Variants in ACAN observed in about 807,000 individuals in gnomAD.
ACAN encodes aggrecan core protein.
ACAN carries 47 observed loss-of-function variants against 169.1 expected under a neutral mutation model. That is an observed-to-expected ratio of 0.28 (90% CI 0.22 to 0.35). The LOEUF is 0.35. ACAN is among the 10% of genes least tolerant of loss of function. ACAN has a pLI of 1.00. For synonymous variants in ACAN, 1,115 were observed against 1,112.2 expected (o/e 1.00, Z -0.05); for missense variants, 2,716 against 2,759.9 (o/e 0.98, Z 0.36).
In ACAN at chr15:88,869,247, T is replaced by TCTTAA. The variant is rs1897329651; in HGVS notation, c.7060+918_7060+919insCTTAA. Among the ~76,000 whole-genome samples the TCTTAA allele has an allele frequency of 1.3e-5, 2 of 152,188 alleles. No individual in the cohort carries two copies. Among genetic ancestry groups the TCTTAA allele is most frequent in the South Asian group, 4.1e-4 (2 of 4,830 alleles). Reference sequence around the variant, plus strand: ...TGGCCCAGACAGAACTGGAAGTGTGTAGGGGCTTAAAATCCTTTTCAATGA... The same window carrying TCTTAA: ...TGGCCCAGACAGAACTGGAAGTGTGTCTTAAAGGGGCTTAAAATCCTTTTCAATGA... On this transcript the variant is annotated intron_variant, in intron 14 of 18. Transcript: ENST00000560601. The surrounding 1 kb of genome is among the most constrained non-coding windows in gnomAD (Gnocchi z 4.2).
chr15:88,834,165 A>C (rs1443201862), intron 1 of ACAN, among the ~76,000 whole-genome samples: 1 of 152,196 alleles, frequency 6.6e-6, no homozygotes, highest in Non-Finnish European at 1.5e-5. Flanking sequence ...AAGGAGACAC[A>C]GGGGCTACTT....
At chr15:88,862,822 A>C (rs1249939938) in intron 13 of ACAN, among the ~76,000 whole-genome samples, 4 of 151,896 alleles carry the variant, frequency 2.6e-5, no homozygotes, top group Admixed American at 6.6e-5. Context: ...ATATGGTGAA[A>C]CCCCATCTCT....
At chr15:88,823,453 G>A (rs1163728606) in intron 1 of ACAN, among the ~76,000 whole-genome samples, 1 of 151,908 alleles carries the variant, frequency 6.6e-6, no homozygotes, top group Non-Finnish European at 1.5e-5. Context: ...ACAGGGCAAA[G>A]CTGAGTGTCC....
rs151078500 is a variant in ACAN, at chr15:88,872,835, G to T, written c.7303-46G>T. Reference sequence around the variant, plus strand: ...GAAGACAGTCGGAGCAGGCCAACCCGCACTGTCCTGCCCTCTCCTTACTCC... The same window carrying T: ...GAAGACAGTCGGAGCAGGCCAACCCTCACTGTCCTGCCCTCTCCTTACTCC... On this transcript the variant is annotated intron_variant, in intron 16 of 18. Transcript: ENST00000560601. The surrounding 1 kb of genome is among the most constrained non-coding windows in gnomAD (Gnocchi z 5.4). 1 of 1,605,734 alleles carries T rather than the reference G, an allele frequency of 6.2e-7. No individual in the cohort carries two copies. The highest frequency in any genetic ancestry group is 8.5e-7 in the Non-Finnish European group (1 of 1,175,700).
intron 6 of ACAN, 145 bp from the exon 7 acceptor site, chr15:88,845,360 C>T (rs1896765544): frequency 8.1e-7 from 1 of 1,241,846 alleles, no homozygotes; most frequent in Non-Finnish European, 1.1e-6. Context: ...CTGAAATGGG[C>T]TTGGCAAGGT....
intron 1 of ACAN, among the ~76,000 whole-genome samples, chr15:88,804,556 T>C (rs550452004): frequency 2.6e-5 from 4 of 152,140 alleles, no homozygotes; most frequent in African/African-American, 9.6e-5. Context: ...CCACGAGCGG[T>C]TTTTCCGTCT....
chr15:88,850,025 C>T, intron 10 of ACAN: 1 of 600,522 alleles, frequency 1.7e-6, no homozygotes. Context: ...TACTTAATAG[C>T]TGTGTGAAAA....
chr15:88,842,736 G>A (rs1896696670), intron 5 of ACAN, among the ~76,000 whole-genome samples: 1 of 152,234 alleles, frequency 6.6e-6, no homozygotes, highest in Admixed American at 6.5e-5. Context: ...GCCAGTTAGA[G>A]CTGCCACTGA....
At chr15:88,860,472 C>A in intron 13 of ACAN, 33 bp downstream of exon 13, 1 of 1,581,890 alleles carries the variant, frequency 6.3e-7, no homozygotes, top group South Asian at 1.1e-5. Flanking sequence ...AGAGTGAGGG[C>A]GGAGGCGCTG....
rs1014718735 is a variant in ACAN at position 88,874,999 on chromosome 15, C to T, written c.*518C>T. On this transcript the variant is annotated 3_prime_UTR_variant, in exon 19 of 19. Transcript: ENST00000560601. This position sits in a 1 kb window ranked among gnomAD's most constrained non-coding sequence, Gnocchi z 7.3. The stretch of plus-strand genomic sequence containing the variant: ...GGATGAGAAGGAGCCAGGAGGGCTA[C>T]ACCATCTGTATGAGGGAAAAGCCTT... The T allele has an allele frequency of 3.7e-5, 9 of 243,410 alleles. No homozygotes were observed. The highest frequency in any genetic ancestry group is 1.8e-4 in the African/African-American group (8 of 44,186). The allele number at this position is 243,410 out of a possible 1,614,324, so 15.1% of individuals were successfully genotyped here.
chr15:88,848,210 C>T (rs1400390389), intron 9 of ACAN, among the ~76,000 whole-genome samples, 172 bp downstream of exon 9: 1 of 152,198 alleles, frequency 6.6e-6, no homozygotes. Context: ...GCCCCTCCCT[C>T]AGATCTAGTG....
In ACAN at chr15:88,858,107, C is replaced by T; in HGVS notation, c.5522C>T (p.Pro1841Leu). 1 of 1,613,782 alleles carries T rather than the reference C, an allele frequency of 6.2e-7. No homozygotes were observed. The highest frequency in any genetic ancestry group is 8.5e-7 in the Non-Finnish European group (1 of 1,179,868). ...FVDTSLVEVA[P>L]TTFKEEEGLG... ...GACACCAGTTTGGTTGAAGTGGCCC[C>T]TACTACATTTAAAGAAGAAGAAGGC... The change falls in exon 12 of 19, where the codon CCT becomes CTT. Residue 1841 changes from proline (P) to leucine (L), a missense_variant. Pro to Leu is a moderately conservative substitution (Grantham distance 98, BLOSUM62 -3). Transcript: ENST00000560601. The surrounding 1 kb of genome is among the most constrained non-coding windows in gnomAD (Gnocchi z 4.0).
intron 11 of ACAN, among the ~76,000 whole-genome samples, chr15:88,853,410 G>A (rs1306829401): frequency 1.3e-5 from 2 of 152,172 alleles, no homozygotes; most frequent in African/African-American, 4.8e-5. Context: ...GGCCAAGGTG[G>A]GAGGACCACT....
At position 88,857,369 on chromosome 15, in the gene ACAN, A is replaced by T; in HGVS notation, c.4784A>T (p.Asp1595Val). The stretch of plus-strand genomic sequence containing the variant: ...AGTGGGTTGCCTTCTGGAAAAGAAG[A>T]CTTGGTGGGGTCAGCTTCTGGAGAC... ...DLSGLPSGKE[D>V]LVGSASGDLD... is the part of the protein sequence containing the mutation. The change falls in exon 12 of 19, where the codon GAC becomes GTC. Residue 1595 changes from aspartate (D) to valine (V), a missense_variant. Asp to Val is a radical substitution (Grantham distance 152). This residue lies in a region of ACAN where 1,389 missense variants were observed against 1,363.7 expected (regional missense o/e 1.02). Transcript: ENST00000560601. 1.2e-6 allele frequency: 2 copies of T among 1,613,872 alleles called. No homozygotes were observed. The highest frequency in any genetic ancestry group is 1.7e-4 in the Middle Eastern group (1 of 6,060).
At chr15:88,828,570 G>C (rs1343212777) in intron 1 of ACAN, among the ~76,000 whole-genome samples, 2 of 152,190 alleles carry the variant, frequency 1.3e-5, no homozygotes, top group East Asian at 3.8e-4. Flanking sequence ...CCTTCCCAGA[G>C]AATGTGCTCA....
chr15:88,835,600 T>G (rs1287233552), intron 1 of ACAN, among the ~76,000 whole-genome samples: 2 of 152,184 alleles, frequency 1.3e-5, no homozygotes, highest in Non-Finnish European at 2.9e-5. Context: ...AGTTTCAGTT[T>G]GAAAGTCAGT....
chr15:88,812,988 T>C (rs977358836), intron 1 of ACAN, among the ~76,000 whole-genome samples: 2 of 152,194 alleles, frequency 1.3e-5, no homozygotes, highest in Non-Finnish European at 2.9e-5. Flanking sequence ...AAGGATCTCA[T>C]CCCTCAGAGA....
chr15:88,858,381 C>T lies in ACAN; in HGVS notation c.5796C>T (p.Pro1932=). 1.9e-6 allele frequency: 3 copies of T among 1,613,908 alleles called. No individual in the cohort carries two copies. Among genetic ancestry groups the T allele is most frequent in the Middle Eastern group, 1.6e-4 (1 of 6,062 alleles). ...GCAGTGGAACTCCATCTAGTTTCCC[C>T]ACTGTCTCTCTTGTAGACAGAACTT... is the stretch of plus-strand genomic sequence containing the variant. The part of the protein sequence containing the change: ...YYGSGTPSSF[P]TVSLVDRTLV... Residue 1932 remains proline, a synonymous_variant, in exon 12 of 19, where the codon CCC becomes CCT. Transcript: ENST00000560601. This position sits in a 1 kb window ranked among gnomAD's most constrained non-coding sequence, Gnocchi z 4.0.
At chr15:88,819,056 A>G (rs1896010367) in intron 1 of ACAN, among the ~76,000 whole-genome samples, 1 of 152,222 alleles carries the variant, frequency 6.6e-6, no homozygotes, top group Non-Finnish European at 1.5e-5. Flanking sequence ...ATGAGTCCCC[A>G]GAAGGCACTT....
Sources: allele counts gnomAD v4.1 joint callset (sites outside exome capture counted in the v4.1 genomes callset), GRCh38; gene constraint gnomAD v4.1.1; regional missense constraint gnomAD v4.1.1; non-coding constraint Gnocchi (gnomAD v3.1); transcripts MANE v1.5; gene names NCBI Gene and HGNC (gene_info 2026-07-23, HGNC 2026-07-21).